NRG1: variants seen among roughly 807,000 people sequenced by gnomAD.
NRG1 encodes the protein pro-neuregulin-1, membrane-bound isoform.
NRG1 carries 18 observed loss-of-function variants against 63.8 expected under a neutral mutation model. The ratio of observed to expected loss-of-function variants is 0.28; its 90% CI spans 0.19 to 0.42. The LOEUF (loss-of-function observed/expected upper bound fraction) is 0.42, where lower values mean the gene tolerates loss of function less well. Ranked by LOEUF, NRG1 falls within the 10% of genes least tolerant of loss-of-function variation. The probability of loss-of-function intolerance (pLI) is 1.00; values close to 1 mark genes in which losing one functional copy is unlikely to be tolerated. For missense variants in NRG1, 762 were observed against 814.7 expected, an observed-to-expected ratio of 0.94 and a Z score of 0.79; for synonymous variants, 302 against 301.3, an observed-to-expected ratio of 1.00 and a Z score of -0.02.
intron 1 of NRG1, among the ~76,000 whole-genome samples, chr8:32,592,821 G>T (rs1183120078): frequency 6.6e-6 from 1 of 152,100 alleles, no homozygotes; most frequent in Non-Finnish European, 1.5e-5. Flanking sequence ...GGCATTAGGG[G>T]TGCCAATCCC....
At chr8:31,994,071 A>G (rs327328) in intron 1 of NRG1, among the ~76,000 whole-genome samples, 11,026 of 152,056 alleles carry the variant, frequency 0.073, 1,363 homozygotes, top group African/African-American at 0.25. Flanking sequence ...AGCGAGGTAC[A>G]GGGTGCTATT....
rs1805806741 is a variant in NRG1, at chr8:32,352,913, AT to A, written c.38-242914del. 1.9e-4 allele frequency among the ~76,000 whole-genome samples: 14 copies of A among 71,872 alleles called. No individual in the cohort carries two copies. The South Asian group carries it at 6.6e-3, about 34-fold the overall frequency. 47.2% of individuals were successfully genotyped at this position (71,872 alleles called of 152,430 possible). On this transcript the variant is annotated intron_variant, in intron 1 of 10. Transcript: ENST00000519301. Reference sequence around the variant, plus strand: ...AATATATATATACATATATATATATATAGAGAGAGAGAGAGACTATATATAT... The same window carrying A: ...AATATATATATACATATATATATATAAGAGAGAGAGAGAGACTATATATAT...
intron 1 of NRG1, among the ~76,000 whole-genome samples, chr8:31,907,461 TA>T (rs1005630727): frequency 4.0e-5 from 6 of 151,834 alleles, no homozygotes; most frequent in African/African-American, 1.5e-4. Flanking sequence ...TCGAGAGTTA[TA>T]GAAAACCAGG....
intron 1 of NRG1, among the ~76,000 whole-genome samples, chr8:32,038,855 C>A (rs377241370): frequency 1.3e-5 from 2 of 151,906 alleles, no homozygotes; most frequent in African/African-American, 4.8e-5. Flanking sequence ...ATTTTGCTTG[C>A]GTGAAAGAGG....
chr8:31,953,975 T>C lies in NRG1; in HGVS notation c.37+314544T>C, dbSNP rs781100844. On this transcript the variant is annotated intron_variant, in intron 1 of 10. Transcript: ENST00000519301. ...TGCCTTAGTATTTTCCTCTATAAAATCTGGCCAATAATAAATGTTAAACTA... is the reference window on the plus strand; with the variant it reads ...TGCCTTAGTATTTTCCTCTATAAAACCTGGCCAATAATAAATGTTAAACTA... 8.5e-5 allele frequency among the ~76,000 whole-genome samples: 13 copies of C among 152,298 alleles called. No individual in the cohort carries two copies. The South Asian group carries it at 1.7e-3, about 19-fold the overall frequency.
At chr8:32,596,214 G>A (rs1357680711) in intron 2 of NRG1, among the ~76,000 whole-genome samples, 1 of 152,108 alleles carries the variant, frequency 6.6e-6, no homozygotes, top group Non-Finnish European at 1.5e-5. Context: ...GGAAATAAAG[G>A]ATGGCTGGAG....
At chr8:32,712,018 C>T (rs1434876105) in intron 5 of NRG1, among the ~76,000 whole-genome samples, 1 of 152,080 alleles carries the variant, frequency 6.6e-6, no homozygotes, top group Non-Finnish European at 1.5e-5. Context: ...TAGGTAATAA[C>T]TTATTATTAT....
At chr8:31,962,182 C>T (rs1473056674) in intron 1 of NRG1, among the ~76,000 whole-genome samples, 1 of 152,120 alleles carries the variant, frequency 6.6e-6, no homozygotes, top group Non-Finnish European at 1.5e-5. Context: ...ACCGCAGTCT[C>T]CTCCAATACA....
chr8:32,140,688 C>A (rs1012743307), intron 1 of NRG1, among the ~76,000 whole-genome samples: 1 of 152,080 alleles, frequency 6.6e-6, no homozygotes, highest in African/African-American at 2.4e-5. Flanking sequence ...GTCTTGAACT[C>A]CTGGGCTCAA....
chr8:32,527,043 A>G (rs1220996598), intron 1 of NRG1, among the ~76,000 whole-genome samples: 1 of 152,172 alleles, frequency 6.6e-6, no homozygotes, highest in Admixed American at 6.5e-5. Context: ...ATAGTACCCA[A>G]TTGGCATCTG....
At chr8:32,426,975 T>A (rs758245977) in intron 1 of NRG1, among the ~76,000 whole-genome samples, 4 of 152,178 alleles carry the variant, frequency 2.6e-5, no homozygotes, top group African/African-American at 9.7e-5. Context: ...AGGTCATTAT[T>A]TATCCACTTG....
chr8:32,465,870 C>G, intron 1 of NRG1, among the ~76,000 whole-genome samples: 1 of 151,912 alleles, frequency 6.6e-6, no homozygotes, highest in South Asian at 2.1e-4. Context: ...CATAATAAAC[C>G]ACAATACAAA....
intron 1 of NRG1, among the ~76,000 whole-genome samples, chr8:31,956,397 C>G (rs1331500984): frequency 6.6e-6 from 1 of 152,102 alleles, no homozygotes; most frequent in Non-Finnish European, 1.5e-5. Flanking sequence ...GTGGGCAGAT[C>G]ACAAGGTCAG....
intron 1 of NRG1, among the ~76,000 whole-genome samples, chr8:32,086,800 A>G (rs1278158945): frequency 2.0e-5 from 3 of 152,216 alleles, no homozygotes; most frequent in Non-Finnish European, 4.4e-5. Flanking sequence ...AAGATAGCCT[A>G]TGAGGAAGAA....
chr8:32,743,527 A>ATATG (rs1554660413), intron 7 of NRG1, among the ~76,000 whole-genome samples: 4 of 147,296 alleles, frequency 2.7e-5, no homozygotes, highest in African/African-American at 9.9e-5. Flanking sequence ...GTATATATAT[A>ATATG]TGTGTGTGCG....
chr8:31,921,454 CTATT>C (rs1474235496), intron 1 of NRG1, among the ~76,000 whole-genome samples: 1 of 138,070 alleles, frequency 7.2e-6, no homozygotes, highest in Non-Finnish European at 1.5e-5. Flanking sequence ...CTTTCACAAT[CTATT>C]TACACACATA....
intron 1 of NRG1, among the ~76,000 whole-genome samples, chr8:31,745,900 T>C (rs1368037389): frequency 6.6e-6 from 1 of 151,974 alleles, no homozygotes; most frequent in Non-Finnish European, 1.5e-5. Context: ...AAATACATGT[T>C]AATCAATTGA....
intron 5 of NRG1, among the ~76,000 whole-genome samples, chr8:32,624,239 G>A (rs1848810822): frequency 6.6e-6 from 1 of 152,162 alleles, no homozygotes; most frequent in African/African-American, 2.4e-5. Context: ...ATTGCATCAT[G>A]TCTGACCCTA....
intron 1 of NRG1, among the ~76,000 whole-genome samples, chr8:31,829,595 A>G (rs1486734336): frequency 6.6e-6 from 1 of 152,224 alleles, no homozygotes; most frequent in Admixed American, 6.5e-5. Context: ...TTGTTTATTA[A>G]AAAGCTGGGG....
Sources: allele counts gnomAD v4.1 joint callset (sites outside exome capture counted in the v4.1 genomes callset), GRCh38; gene constraint gnomAD v4.1.1; transcripts MANE v1.5; gene names NCBI Gene and HGNC (gene_info 2026-07-23, HGNC 2026-07-21).